Variants in GOLGA3 observed in about 807,000 individuals in gnomAD.
The protein encoded by GOLGA3 is golgin A3.
A neutral mutation model predicts 169.4 loss-of-function variants in GOLGA3; 75 were observed. The observed-to-expected ratio is 0.44, with a 90% CI of 0.37 to 0.54. The LOEUF (loss-of-function observed/expected upper bound fraction) is 0.54, where lower values mean the gene tolerates loss of function less well. Among genes scored for constraint, GOLGA3 ranks in the 20% least tolerant of loss-of-function variants. The probability of loss-of-function intolerance (pLI) is 0.00; values close to 1 mark genes in which losing one functional copy is unlikely to be tolerated. For missense variants in GOLGA3, 1,899 were observed against 1,930.0 expected (o/e 0.98, Z 0.30); for synonymous variants, 824 against 822.4 (o/e 1.00, Z -0.03).
At chr12:132,819,357 G>T (rs745600909) in intron 2 of GOLGA3, among the ~76,000 whole-genome samples, 1 of 151,988 alleles carries the variant, frequency 6.6e-6, no homozygotes, top group Non-Finnish European at 1.5e-5. Context: ...GCGAAACCCC[G>T]TCTCTACTAA....
intron 11 of GOLGA3, among the ~76,000 whole-genome samples, chr12:132,792,428 C>T (rs1399277707): frequency 6.6e-6 from 1 of 152,240 alleles, no homozygotes; most frequent in Non-Finnish European, 1.5e-5. Context: ...TTACAGAACC[C>T]GGTGTTGGGC....
At chr12:132,813,185 G>C (rs1183019476) in intron 4 of GOLGA3, 122 bp downstream of exon 4, 16 of 663,204 alleles carry the variant, frequency 2.4e-5, no homozygotes, top group Non-Finnish European at 4.1e-5. Flanking sequence ...AAATGTGCTT[G>C]TTGCCCCTGA....
At chr12:132,816,983 A>C (rs1235041535) in intron 2 of GOLGA3, among the ~76,000 whole-genome samples, 171 bp from the exon 3 acceptor site, 3 of 152,120 alleles carry the variant, frequency 2.0e-5, no homozygotes, top group East Asian at 3.8e-4. Flanking sequence ...CCCGTCCCAC[A>C]GGCGGGGTGG....
intron 6 of GOLGA3, among the ~76,000 whole-genome samples, chr12:132,806,910 T>C (rs1021865868): frequency 6.6e-6 from 1 of 152,054 alleles, no homozygotes; most frequent in Non-Finnish European, 1.5e-5. Context: ...ATTTGACTCT[T>C]ATGGACTGTG....
At chr12:132,789,353 G>A in intron 12 of GOLGA3, 63 bp from the exon 13 acceptor site, 1 of 1,424,392 alleles carries the variant, frequency 7.0e-7, no homozygotes. Flanking sequence ...GTACCTGGGG[G>A]TCAAGCTGGC....
rs1566116362 is a variant in GOLGA3 at position 132,804,574 on chromosome 12, C to CCAGTCGAGGAAGGAGGGAGCAGT, written c.1597+141_1597+142insACTGCTCCCTCCTTCCTCGACTG. On this transcript the variant is annotated intron_variant, in intron 7 of 23. Coordinates refer to ENST00000450791, the MANE Select transcript of GOLGA3 (RefSeq NM_001389683.1). This position sits in a 1 kb window ranked among gnomAD's most constrained non-coding sequence, Gnocchi z 4.1. ...GACCAGTCGAGGAAGGAGGGAGCAG[C>CCAGTCGAGGAAGGAGGGAGCAGT]GGGGACCAGTCGAGGAAGGAGGAGG... 32 of 674,320 alleles carry CCAGTCGAGGAAGGAGGGAGCAGT rather than the reference C, an allele frequency of 4.7e-5. No homozygotes were observed. In the African/African-American group the frequency reaches 5.2e-4, roughly 11 times the overall value. 41.8% of individuals were successfully genotyped at this position (674,320 alleles called of 1,614,324 possible). A position where few individuals can be genotyped will look rare whatever the true frequency, so the allele number is the denominator to read the frequency against.
chr12:132,810,530 TCA>T (rs1365906542), intron 4 of GOLGA3, among the ~76,000 whole-genome samples: 1 of 152,210 alleles, frequency 6.6e-6, no homozygotes, highest in African/African-American at 2.4e-5. Context: ...ATAATAATCC[TCA>T]CTCTACAATC....
chr12:132,828,502 G>A (rs1390315601), intron 1 of GOLGA3: 3 of 152,324 alleles, frequency 2.0e-5, no homozygotes. Flanking sequence ...AGCACTGCCC[G>A]AGTGGTGGCA....
Position 132,801,932 on chromosome 12 carries a change from G to C in GOLGA3, c.1635C>G (p.Ser545Arg). 2 of 1,600,784 alleles carry C rather than the reference G, an allele frequency of 1.2e-6. No individual in the cohort carries two copies. The highest frequency in any genetic ancestry group is 1.7e-6 in the Non-Finnish European group (2 of 1,179,568). The change falls in exon 8 of 24, where the codon AGC becomes AGG. Residue 545 changes from serine to arginine, a missense_variant. Coordinates refer to ENST00000450791, the MANE Select transcript of GOLGA3 (RefSeq NM_001389683.1). ...GCTCCAGCTGCACCTGCTGAAGCTG[G>C]CTCTGCAAGGCTGTCATCTGCTGTC... Reference protein sequence around the residue: ...DLRQQMTALQSQLQQVQLERT... With the variant: ...DLRQQMTALQRQLQQVQLERT...
rs1052203487 is a variant in GOLGA3, at chr12:132,804,732, G to C, written c.1581C>G (p.Leu527=). The C allele has an allele frequency of 6.2e-7, 1 of 1,613,200 alleles. No homozygotes were observed. The highest frequency in any genetic ancestry group is 8.5e-7 in the Non-Finnish European group (1 of 1,179,270). The part of the protein sequence containing the change: ...AKVEDMQRSM[L]SKDNTVHDLR... ...CAGCCTCACCTGTGTTGTCCTTGCT[G>C]AGCATGCTCCTCTGCATGTCCTCTA... Residue 527 remains leucine (L), a synonymous_variant, in exon 7 of 24, where the codon CTC becomes CTG. Transcript: ENST00000450791. The surrounding 1 kb of genome is among the most constrained non-coding windows in gnomAD (Gnocchi z 4.1).
At position 132,789,056 on chromosome 12, in the gene GOLGA3, CCTT is replaced by C; in HGVS notation, c.2779_2781del (p.Lys927del). On this transcript the variant is annotated inframe_deletion, in exon 13 of 24. Coordinates refer to ENST00000450791, the MANE Select transcript of GOLGA3 (RefSeq NM_001389683.1). ...AAGTGTGTTTCCATCTCGTCTCGCT[CCTT>C]CTGCGCCGACTGGAGATGCCCTTCA... 3.8e-6 allele frequency: 6 copies of C among 1,592,530 alleles called. No individual in the cohort carries two copies. The highest frequency in any genetic ancestry group is 1.1e-5 in the South Asian group (1 of 88,962).
intron 3 of GOLGA3, among the ~76,000 whole-genome samples, chr12:132,815,815 C>T (rs1321689487): frequency 6.6e-6 from 1 of 152,202 alleles, no homozygotes; most frequent in Non-Finnish European, 1.5e-5. Flanking sequence ...AGGAAGATCC[C>T]TTGAACCTGG....
At chr12:132,803,201 T>G (rs1342454353) in intron 7 of GOLGA3, among the ~76,000 whole-genome samples, 1 of 152,208 alleles carries the variant, frequency 6.6e-6, no homozygotes, top group Non-Finnish European at 1.5e-5. Context: ...GCAGCCCGGC[T>G]GAGCACCAAG....
At chr12:132,816,408 G>T (rs550198754) in intron 3 of GOLGA3, 132 bp downstream of exon 3, 17 of 838,276 alleles carry the variant, frequency 2.0e-5, no homozygotes, top group Non-Finnish European at 3.1e-5. Context: ...ACAGCCCCAC[G>T]TGGGACTCAG....
chr12:132,784,389 G>T, intron 15 of GOLGA3, 82 bp from the exon 16 acceptor site: 1 of 1,169,918 alleles, frequency 8.5e-7, no homozygotes, highest in Non-Finnish European at 1.2e-6. Context: ...GCAGGCATGA[G>T]GCTGTGTGGC....
chr12:132,808,654 CA>C (rs1949546551), intron 4 of GOLGA3, 105 bp from the exon 5 acceptor site: 1 of 895,482 alleles, frequency 1.1e-6, no homozygotes, highest in African/African-American at 1.7e-5. Flanking sequence ...CCTCCGCTGA[CA>C]ACCAGAGAGC....
chr12:132,781,010 G>A, intron 17 of GOLGA3, 96 bp from the exon 18 acceptor site: 1 of 853,522 alleles, frequency 1.2e-6, no homozygotes, highest in Non-Finnish European at 2.0e-6. Context: ...CCACATCACA[G>A]GCACACGCCA....
At chr12:132,813,820 G>A (rs2136677508) in intron 3 of GOLGA3, among the ~76,000 whole-genome samples, 1 of 148,994 alleles carries the variant, frequency 6.7e-6, no homozygotes, top group Admixed American at 6.8e-5. Flanking sequence ...CGCCTCCCAG[G>A]TTCACACCAT....
chr12:132,811,165 G>A (rs56750178), intron 4 of GOLGA3, among the ~76,000 whole-genome samples: 4,625 of 152,034 alleles, frequency 0.03, 212 homozygotes, highest in African/African-American at 0.11. Context: ...CCTGACATTC[G>A]GGGCCACTAC....
Sources: allele counts gnomAD v4.1 joint callset (sites outside exome capture counted in the v4.1 genomes callset), GRCh38; gene constraint gnomAD v4.1.1; non-coding constraint Gnocchi (gnomAD v3.1); transcripts MANE v1.5; gene names NCBI Gene and HGNC (gene_info 2026-07-23, HGNC 2026-07-21).